Variants in ANGPT1 observed in about 807,000 individuals in gnomAD.
ANGPT1 encodes angiopoietin-1.
ANGPT1 carries 17 observed loss-of-function variants against 62.2 expected under a neutral mutation model. The observed-to-expected ratio is 0.27, with a 90% CI of 0.19 to 0.41. The LOEUF (loss-of-function observed/expected upper bound fraction) is 0.41. Ranked by LOEUF, ANGPT1 falls within the 10% of genes least tolerant of loss-of-function variation. The pLI, the probability that ANGPT1 is intolerant of heterozygous loss-of-function variation, is 1.00. For missense variants in ANGPT1, 478 were observed against 594.9 expected (o/e 0.80, Z 2.04); for synonymous variants, 199 against 198.9 (o/e 1.00, Z 0.00).
At chr8:107,411,435 T>C (rs1370419660) in intron 1 of ANGPT1, among the ~76,000 whole-genome samples, 3 of 152,066 alleles carry the variant, frequency 2.0e-5, no homozygotes, top group Non-Finnish European at 4.4e-5. Context: ...CATCATTCAA[T>C]GAAATTGATA....
intron 1 of ANGPT1, among the ~76,000 whole-genome samples, chr8:107,454,023 A>G (rs1811851129): frequency 6.6e-6 from 1 of 152,080 alleles, no homozygotes; most frequent in South Asian, 2.1e-4. Flanking sequence ...CTCATTTAGC[A>G]TACCAAGATT....
chr8:107,273,702 C>A (rs1008204166), intron 7 of ANGPT1, among the ~76,000 whole-genome samples: 33 of 151,964 alleles, frequency 2.2e-4, no homozygotes, highest in African/African-American at 7.2e-4. Context: ...CTAAGGATTT[C>A]CTCTATGAAG....
chr8:107,305,483 G>C (rs1814692335), intron 4 of ANGPT1, among the ~76,000 whole-genome samples: 1 of 151,982 alleles, frequency 6.6e-6, no homozygotes, highest in African/African-American at 2.4e-5. Flanking sequence ...GCTATGTGTG[G>C]GAAGAGGAAG....
intron 7 of ANGPT1, among the ~76,000 whole-genome samples, chr8:107,267,122 C>T (rs1322349600): frequency 1.3e-5 from 2 of 151,914 alleles, no homozygotes; most frequent in Non-Finnish European, 2.9e-5. Flanking sequence ...AAGCTTCTGC[C>T]CACAGCCCCA....
intron 7 of ANGPT1, among the ~76,000 whole-genome samples, chr8:107,276,896 T>G (rs1214287637): frequency 6.6e-6 from 1 of 152,218 alleles, no homozygotes; most frequent in African/African-American, 2.4e-5. Context: ...CAGGTTGTTT[T>G]CTTCACAATT....
At chr8:107,382,034 T>C (rs190784733) in intron 1 of ANGPT1, among the ~76,000 whole-genome samples, 76 of 152,270 alleles carry the variant, frequency 5.0e-4, no homozygotes, top group Non-Finnish European at 1.0e-3. Context: ...TACTCTAAAT[T>C]ATTGACTCCG....
intron 2 of ANGPT1, among the ~76,000 whole-genome samples, chr8:107,344,932 T>A (rs1815771071): frequency 6.6e-6 from 1 of 152,218 alleles, no homozygotes; most frequent in African/African-American, 2.4e-5. Flanking sequence ...CTTGAGTGAT[T>A]ATGTCTAAGC....
At chr8:107,345,355 C>A (rs1223426418) in intron 2 of ANGPT1, among the ~76,000 whole-genome samples, 1 of 152,146 alleles carries the variant, frequency 6.6e-6, no homozygotes, top group Non-Finnish European at 1.5e-5. Flanking sequence ...AACAATTTAT[C>A]TCTCAATACC....
At chr8:107,351,659 T>C (rs1815935995) in intron 1 of ANGPT1, among the ~76,000 whole-genome samples, 2 of 152,056 alleles carry the variant, frequency 1.3e-5, no homozygotes, top group African/African-American at 2.4e-5. Context: ...TTCACTATAG[T>C]GGAGACCAAG....
chr8:107,394,680 A>G (rs900246878), intron 1 of ANGPT1, among the ~76,000 whole-genome samples: 3 of 152,200 alleles, frequency 2.0e-5, no homozygotes, highest in Non-Finnish European at 4.4e-5. Flanking sequence ...ATTTATCCAC[A>G]TATCCTGAAG....
At chr8:107,256,681 G>A (rs1813363893) in intron 8 of ANGPT1, among the ~76,000 whole-genome samples, 1 of 152,000 alleles carries the variant, frequency 6.6e-6, no homozygotes, top group Admixed American at 6.6e-5. Context: ...GTTTATGCTT[G>A]GGAATAACAA....
At chr8:107,361,554 T>TA (rs1469809038) in intron 1 of ANGPT1, among the ~76,000 whole-genome samples, 1 of 26,370 alleles carries the variant, frequency 3.8e-5, no homozygotes, top group African/African-American at 1.0e-4. Context: ...AGAATATATG[T>TA]ATATATTATA....
At chr8:107,357,982 GC>G (rs1816083178) in intron 1 of ANGPT1, among the ~76,000 whole-genome samples, 2 of 152,084 alleles carry the variant, frequency 1.3e-5, no homozygotes, top group African/African-American at 4.8e-5. Context: ...CAATGAAGTT[GC>G]TTTGTTGGTT....
intron 2 of ANGPT1, 44 bp from the exon 3 acceptor site, chr8:107,336,315 C>A: frequency 6.5e-7 from 1 of 1,546,722 alleles, no homozygotes; most frequent in South Asian, 1.3e-5. Context: ...AGTCACGAAT[C>A]AAAGAACTTT....
intron 1 of ANGPT1, among the ~76,000 whole-genome samples, chr8:107,426,192 C>T (rs925804961): frequency 2.6e-5 from 4 of 152,082 alleles, no homozygotes; most frequent in Non-Finnish European, 5.9e-5. Context: ...CACAAAGGGG[C>T]CTGTGCGCGT....
At position 107,347,037 on chromosome 8, in the gene ANGPT1, C is replaced by G; in HGVS notation, c.358G>C (p.Val120Leu). 6.2e-7 allele frequency: 1 copy of G among 1,613,906 alleles called. No individual in the cohort carries two copies. The highest frequency in any genetic ancestry group is 1.1e-5 in the South Asian group (1 of 91,066). ...AGCATGGTAGCCGTGTGGTTCTGAA[C>G]TGCATTCTGCTGTATCTGGGCCATC... is the stretch of plus-strand genomic sequence containing the variant. The part of the protein sequence containing the change: ...SEMAQIQQNA[V>L]QNHTATMLEI... Residue 120 changes from valine (V) to leucine (L), a missense_variant, in exon 2 of 9, where the codon GTT (valine) becomes CTT (leucine). Physicochemically the swap from Val to Leu is conservative, Grantham distance 32 (BLOSUM62 1). Coordinates refer to ENST00000517746, the MANE Select transcript of ANGPT1 (RefSeq NM_001146.5).
At chr8:107,386,156 C>T (rs1001353062) in intron 1 of ANGPT1, among the ~76,000 whole-genome samples, 1 of 152,016 alleles carries the variant, frequency 6.6e-6, no homozygotes, top group Non-Finnish European at 1.5e-5. Context: ...GAAAAGCAAA[C>T]ACTACATGTT....
At chr8:107,461,775 A>G (rs1254406725) in intron 1 of ANGPT1, among the ~76,000 whole-genome samples, 2 of 152,166 alleles carry the variant, frequency 1.3e-5, no homozygotes, top group Admixed American at 6.6e-5. Context: ...AAATGAATGA[A>G]TGAATGAATA....
chr8:107,326,965 T>G (rs1035088476), intron 3 of ANGPT1, among the ~76,000 whole-genome samples: 1 of 152,118 alleles, frequency 6.6e-6, no homozygotes. Flanking sequence ...CACACTATAA[T>G]CTCTTCCTAT....
Sources: gnomAD v4.1 joint callset for allele counts (sites outside exome capture counted in the v4.1 genomes callset) on GRCh38, gnomAD v4.1.1 for gene constraint, MANE v1.5 for transcripts, NCBI Gene and HGNC (gene_info 2026-07-23, HGNC 2026-07-21) for gene names.